The following PDZD2 variants were observed in gnomAD, a reference collection of about 807,000 sequenced individuals.
PDZD2 encodes PDZ domain-containing protein 2.
In PDZD2, 90 loss-of-function variants were observed where a neutral mutation model predicts 220.7. The observed-to-expected ratio is 0.41, with a 90% CI of 0.34 to 0.49. The LOEUF (loss-of-function observed/expected upper bound fraction) is 0.49, where lower values mean the gene tolerates loss of function less well. Among genes scored for constraint, PDZD2 ranks in the 20% least tolerant of loss-of-function variants. PDZD2 has a pLI of 0.28. For missense variants in PDZD2, 3,174 were observed against 3,608.5 expected (o/e 0.88, Z 3.08); for synonymous variants, 1,375 against 1,450.5 (o/e 0.95, Z 1.18).
intron 2 of PDZD2, among the ~76,000 whole-genome samples, chr5:31,882,982 A>T (rs531712131): frequency 1.3e-3 from 167 of 132,762 alleles, no homozygotes; most frequent in African/African-American, 3.7e-3. Flanking sequence ...GTGAGCCAAG[A>T]TCCTGCCACT....
chr5:31,722,586 C>T (rs1283578560), intron 1 of PDZD2, among the ~76,000 whole-genome samples: 2 of 152,102 alleles, frequency 1.3e-5, no homozygotes, highest in Admixed American at 1.3e-4. Context: ...TATAAAAATG[C>T]CTTTTTAGAA....
chr5:31,729,099 C>CTTTTTTTTTTTTTTTTTTTTTTTTTTTTT (rs10650811), intron 1 of PDZD2, among the ~76,000 whole-genome samples: 3 of 123,650 alleles, frequency 2.4e-5, no homozygotes, highest in Admixed American at 9.5e-5. Flanking sequence ...TGATCGAAAT[C>CTTTTTTTTTTTTTTTTTTTTTTTTTTTTT]TTTTTTTTTT....
chr5:32,057,591 T>A (rs1436061249), intron 10 of PDZD2, 64 bp from the exon 11 acceptor site: 1 of 924,336 alleles, frequency 1.1e-6, no homozygotes, highest in Non-Finnish European at 1.8e-6. Flanking sequence ...TAAGTCTGAC[T>A]GAGCAGTTAA....
chr5:31,669,069 TG>T (rs916792524), intron 1 of PDZD2, among the ~76,000 whole-genome samples: 1 of 152,060 alleles, frequency 6.6e-6, no homozygotes, highest in African/African-American at 2.4e-5. Flanking sequence ...TTGGTGTCCC[TG>T]GGGGTGCTAA....
At chr5:32,027,518 C>T (rs1015767374) in intron 6 of PDZD2, among the ~76,000 whole-genome samples, 1 of 152,066 alleles carries the variant, frequency 6.6e-6, no homozygotes, top group Non-Finnish European at 1.5e-5. Flanking sequence ...ACAGCCTGAG[C>T]GTCGCAGTGG....
intron 12 of PDZD2, among the ~76,000 whole-genome samples, chr5:32,058,639 A>G (rs1739366475): frequency 6.9e-6 from 1 of 145,294 alleles, no homozygotes; most frequent in Non-Finnish European, 1.5e-5. Context: ...GTGCCACTGC[A>G]CTCTAGCCTG....
rs1038398308 is a variant in PDZD2 at position 31,667,060 on chromosome 5, C to T, written c.-361+27623C>T. Among the ~76,000 whole-genome samples, 4 of 151,966 alleles carry T rather than the reference C, an allele frequency of 2.6e-5. No individual in the cohort carries two copies. In the East Asian group the frequency reaches 7.8e-4, roughly 29 times the overall value. ...GACCATCCTGGCTAACACGGTGAAA[C>T]CCCGTCTCTACTAAAAATACAAAAA... On this transcript the variant is annotated intron_variant, in intron 1 of 24. Coordinates refer to ENST00000438447, the MANE Select transcript of PDZD2 (RefSeq NM_178140.4).
chr5:31,933,122 G>A (rs1252446084), intron 2 of PDZD2, among the ~76,000 whole-genome samples: 1 of 152,054 alleles, frequency 6.6e-6, no homozygotes, highest in African/African-American at 2.4e-5. Context: ...TGTTGGCCAG[G>A]CTGGTCTCGA....
intron 2 of PDZD2, among the ~76,000 whole-genome samples, chr5:31,825,186 G>A (rs559359164): frequency 6.6e-5 from 10 of 152,316 alleles, no homozygotes; most frequent in Admixed American, 5.2e-4. Context: ...AGACCACGCT[G>A]CTTTGCTGTG....
At chr5:32,063,027 ATATTATTAT>A (rs147802513) in intron 14 of PDZD2, among the ~76,000 whole-genome samples, 21 of 142,328 alleles carry the variant, frequency 1.5e-4, no homozygotes, top group Admixed American at 9.2e-4. Flanking sequence ...TGAGAATGAA[ATATTATTAT>A]TATTATTATT....
chr5:31,777,096 T>C (rs1248201641), intron 1 of PDZD2, among the ~76,000 whole-genome samples: 1 of 151,728 alleles, frequency 6.6e-6, no homozygotes, highest in Non-Finnish European at 1.5e-5. Flanking sequence ...TGCTGGGAGG[T>C]GTGGAGGGAG....
At chr5:31,902,963 A>C (rs1369886473) in intron 2 of PDZD2, among the ~76,000 whole-genome samples, 10 of 152,114 alleles carry the variant, frequency 6.6e-5, no homozygotes, top group Non-Finnish European at 1.5e-5. Context: ...GATGGAAAGA[A>C]ATGTTCTGCA....
intron 2 of PDZD2, among the ~76,000 whole-genome samples, chr5:31,968,756 T>C (rs896145933): frequency 9.2e-5 from 14 of 152,090 alleles, no homozygotes; most frequent in East Asian, 3.9e-4. Flanking sequence ...ATCAGTGAAA[T>C]GGGAAGTGGC....
intron 4 of PDZD2, 120 bp downstream of exon 4, chr5:31,995,838 A>G: frequency 1.1e-6 from 1 of 915,126 alleles, no homozygotes; most frequent in Non-Finnish European, 1.6e-6. Flanking sequence ...GTTCATAAAG[A>G]TTATGCTGGA....
chr5:31,762,529 C>A (rs1580706368), intron 1 of PDZD2, among the ~76,000 whole-genome samples: 2 of 152,162 alleles, frequency 1.3e-5, no homozygotes, highest in African/African-American at 4.8e-5. Context: ...CTCAGGTGAT[C>A]CGCCTGCCTC....
At chr5:31,934,491 G>T (rs72757997) in intron 2 of PDZD2, among the ~76,000 whole-genome samples, 1 of 151,832 alleles carries the variant, frequency 6.6e-6, no homozygotes, top group East Asian at 1.9e-4. Context: ...AGTAAAAGGC[G>T]GATCCTGTTT....
At chr5:31,705,045 C>G (rs1254684054) in intron 1 of PDZD2, among the ~76,000 whole-genome samples, 1 of 152,118 alleles carries the variant, frequency 6.6e-6, no homozygotes, top group Non-Finnish European at 1.5e-5. Context: ...CCTGTAGTCC[C>G]AGCTACTTGG....
chr5:31,749,305 G>A lies in PDZD2; in HGVS notation c.-360-49584G>A, dbSNP rs542143767. On this transcript the variant is annotated intron_variant, in intron 1 of 24. Coordinates refer to ENST00000438447, the MANE Select transcript of PDZD2 (RefSeq NM_178140.4). Reference sequence around the variant, plus strand: ...TTTGTTTTCCATGCCTTGTATTGGTGAGTAAATAAGAAAATGAAGCTCAGA... The same window carrying A: ...TTTGTTTTCCATGCCTTGTATTGGTAAGTAAATAAGAAAATGAAGCTCAGA... Among the ~76,000 whole-genome samples, 4 of 152,236 alleles carry A rather than the reference G, an allele frequency of 2.6e-5. No individual in the cohort carries two copies. In the East Asian group the frequency reaches 5.8e-4, roughly 22 times the overall value.
At chr5:31,965,113 G>C (rs1342311568) in intron 2 of PDZD2, among the ~76,000 whole-genome samples, 5 of 152,204 alleles carry the variant, frequency 3.3e-5, no homozygotes, top group Non-Finnish European at 7.3e-5. Flanking sequence ...AGTCAAATTA[G>C]ATAAAACGAC....
Sources: allele counts gnomAD v4.1 joint callset (sites outside exome capture counted in the v4.1 genomes callset), GRCh38; gene constraint gnomAD v4.1.1; transcripts MANE v1.5; gene names NCBI Gene and HGNC (gene_info 2026-07-23, HGNC 2026-07-21).